The following ACTR3C variants were observed in gnomAD, a reference collection of about 807,000 sequenced individuals.
ACTR3C encodes actin related protein 3C.
In ACTR3C, 18 loss-of-function variants were observed where a neutral mutation model predicts 26.3. That is an observed-to-expected ratio of 0.68 (90% CI 0.47 to 1.01). The LOEUF (loss-of-function observed/expected upper bound fraction) is 1.01, where lower values mean the gene tolerates loss of function less well. ACTR3C is among the 50% of genes least tolerant of loss of function. ACTR3C has a pLI of 0.00. For missense variants in ACTR3C, 184 were observed against 250.7 expected (o/e 0.73, Z 1.80); for synonymous variants, 55 against 94.5 (o/e 0.58, Z 2.42).
At chr7:150,105,378 G>A in the ACTR3C span, among the ~76,000 whole-genome samples, 11 of 151,854 alleles carry the variant, frequency 7.2e-5, no homozygotes, top group African/African-American at 1.9e-4. Context: ...CACCGCCCCC[G>A]GCCTCTTCAT....
chr7:150,027,015 A>G, the ACTR3C span, among the ~76,000 whole-genome samples: 7 of 152,006 alleles, frequency 4.6e-5, no homozygotes, highest in African/African-American at 1.7e-4. Flanking sequence ...TTTCTTCCAT[A>G]TAATTAATTT....
At chr7:149,883,169 C>T in the ACTR3C span, among the ~76,000 whole-genome samples, 1 of 152,142 alleles carries the variant, frequency 6.6e-6, no homozygotes, top group African/African-American at 2.4e-5. Flanking sequence ...CGGCCTTGAG[C>T]TTTTTCAGAC....
At chr7:150,188,951 C>T in the ACTR3C span, among the ~76,000 whole-genome samples, 73 of 147,366 alleles carry the variant, frequency 5.0e-4, 3 homozygotes, top group Middle Eastern at 0.01. Flanking sequence ...TATTTTTGTA[C>T]CCATCTCTGC....
chr7:150,019,833 A>C, the ACTR3C span, among the ~76,000 whole-genome samples: 3 of 151,920 alleles, frequency 2.0e-5, no homozygotes, highest in Non-Finnish European at 4.4e-5. Context: ...CCCAGTTTTC[A>C]ACAGACTCAT....
chr7:150,139,595 C>G, the ACTR3C span, among the ~76,000 whole-genome samples: 1 of 152,290 alleles, frequency 6.6e-6, no homozygotes, highest in African/African-American at 2.4e-5. Context: ...TATTCTGAGA[C>G]TTCTTAAAAA....
At chr7:149,958,144 A>T in the ACTR3C span, among the ~76,000 whole-genome samples, 1 of 152,132 alleles carries the variant, frequency 6.6e-6, no homozygotes. Flanking sequence ...AATTTAGAAA[A>T]GTAATTGCTC....
the ACTR3C span, among the ~76,000 whole-genome samples, chr7:150,159,977 T>C: frequency 6.6e-6 from 1 of 152,094 alleles, no homozygotes; most frequent in Non-Finnish European, 1.5e-5. Context: ...GTATTTTTAG[T>C]AGAGACGGGG....
chr7:150,209,288 C>CAG, the ACTR3C span, among the ~76,000 whole-genome samples: 1,947 of 129,598 alleles, frequency 0.015, 201 homozygotes, highest in African/African-American at 0.056. Flanking sequence ...GAGACAGAAA[C>CAG]AGAGAGAGAG....
At chr7:149,998,100 A>G in the ACTR3C span, among the ~76,000 whole-genome samples, 1 of 150,904 alleles carries the variant, frequency 6.6e-6, no homozygotes, top group Middle Eastern at 3.5e-3. Context: ...ATGCAGGCAA[A>G]CTATAGACAT....
the ACTR3C span, among the ~76,000 whole-genome samples, chr7:149,991,388 T>A: frequency 0.014 from 2,121 of 152,058 alleles, 65 homozygotes; most frequent in African/African-American, 0.049. Flanking sequence ...GACCTCAAAC[T>A]GGGCTGTGGT....
At chr7:150,102,564 C>T in the ACTR3C span, among the ~76,000 whole-genome samples, 1 of 152,082 alleles carries the variant, frequency 6.6e-6, no homozygotes, top group African/African-American at 2.4e-5. Context: ...ATTTTCCTAA[C>T]TGTTAAATGA....
At chr7:149,906,038 G>A in the ACTR3C span, among the ~76,000 whole-genome samples, 3 of 152,122 alleles carry the variant, frequency 2.0e-5, no homozygotes, top group Non-Finnish European at 4.4e-5. Flanking sequence ...GAAAAAAATC[G>A]TTGTATATTC....
At chr7:150,085,683 T>C in the ACTR3C span, among the ~76,000 whole-genome samples, 1 of 152,162 alleles carries the variant, frequency 6.6e-6, no homozygotes, top group Non-Finnish European at 1.5e-5. Flanking sequence ...AATTGGATCA[T>C]TCTAAAGGGT....
chr7:150,253,746 C>T (rs370020358), intron 6 of ACTR3C, among the ~76,000 whole-genome samples: 33 of 151,852 alleles, frequency 2.2e-4, no homozygotes, highest in Non-Finnish European at 3.1e-4. Context: ...TAGTGGCAAG[C>T]GGCCCATCGG....
At chr7:149,984,385 G>T in the ACTR3C span, among the ~76,000 whole-genome samples, 2 of 152,022 alleles carry the variant, frequency 1.3e-5, no homozygotes, top group African/African-American at 4.8e-5. Flanking sequence ...TGTATTTTTA[G>T]TAGAGACGGG....
At chr7:150,267,043 A>G (rs1417908991) in intron 6 of ACTR3C, among the ~76,000 whole-genome samples, 2 of 152,264 alleles carry the variant, frequency 1.3e-5, no homozygotes, top group South Asian at 2.1e-4. Context: ...TCCAATGTTC[A>G]TAGCAGGGTT....
the ACTR3C span, among the ~76,000 whole-genome samples, chr7:149,997,758 A>G: frequency 1.3e-5 from 2 of 150,172 alleles, no homozygotes; most frequent in African/African-American, 4.9e-5. Context: ...CCTAAAAATC[A>G]TAAATCTGTC....
the ACTR3C span, among the ~76,000 whole-genome samples, chr7:149,962,437 T>C: frequency 2.0e-5 from 3 of 152,206 alleles, no homozygotes; most frequent in East Asian, 5.8e-4. Context: ...CAAGGTCACA[T>C]GGACCCAGGA....
intron 6 of ACTR3C, among the ~76,000 whole-genome samples, chr7:150,278,454 T>C (rs73728111): frequency 0.024 from 3,587 of 152,330 alleles, 131 homozygotes; most frequent in African/African-American, 0.082. Context: ...CGGATTCTCA[T>C]ACTCCTGTCC....
Sources: allele counts gnomAD v4.1 joint callset (sites outside exome capture counted in the v4.1 genomes callset), GRCh38; gene constraint gnomAD v4.1.1; transcripts MANE v1.5; gene names NCBI Gene and HGNC (gene_info 2026-07-23, HGNC 2026-07-21).